Variants in CACNB4 observed in about 807,000 individuals in gnomAD.
CACNB4 encodes the protein voltage-dependent L-type calcium channel subunit beta-4.
A neutral mutation model predicts 71.2 loss-of-function variants in CACNB4; 32 were observed. The observed-to-expected ratio is 0.45, with a 90% CI of 0.34 to 0.60. The LOEUF is 0.60. Ranked by LOEUF, CACNB4 falls within the 20% of genes least tolerant of loss-of-function variation. The pLI, the probability that CACNB4 is intolerant of heterozygous loss-of-function variation, is 0.01. For missense variants in CACNB4, 464 were observed against 647.9 expected, an observed-to-expected ratio of 0.72 and a Z score of 3.08; for synonymous variants, 231 against 236.9, an observed-to-expected ratio of 0.97 and a Z score of 0.23.
intron 2 of CACNB4, among the ~76,000 whole-genome samples, chr2:152,077,025 G>A (rs775367397): frequency 7.7e-4 from 117 of 152,334 alleles, no homozygotes; most frequent in Admixed American, 3.5e-3. Flanking sequence ...GTTTGGGTTG[G>A]GGAATGAAAG....
At chr2:151,890,098 G>A (rs909969833) in intron 2 of CACNB4, among the ~76,000 whole-genome samples, 2 of 152,052 alleles carry the variant, frequency 1.3e-5, no homozygotes, top group Non-Finnish European at 2.9e-5. Flanking sequence ...TACATTCCCA[G>A]CACGTTGGTG....
Position 151,872,421 on chromosome 2 carries a change from T to C in CACNB4, c.594A>G (p.Ser198=), listed in dbSNP as rs764281094. ...VSGTFRATPT[S]TAKQKQKVTE... is the part of the protein sequence containing the mutation. ...GAGTTTAACTACAACCCTCACCTGT[T>C]GATGTGGGAGTTGCTCGGAATGTCC... The change falls in exon 6 of 14, where the codon TCA becomes TCG. Residue 198 remains serine (S), a synonymous_variant. Transcript: ENST00000539935. 1.9e-6 allele frequency: 3 copies of C among 1,565,176 alleles called. No individual in the cohort carries two copies. The highest frequency in any genetic ancestry group is 2.6e-6 in the Non-Finnish European group (3 of 1,139,162).
At chr2:152,056,035 T>C (rs1020455310) in intron 2 of CACNB4, among the ~76,000 whole-genome samples, 3 of 152,168 alleles carry the variant, frequency 2.0e-5, no homozygotes, top group Non-Finnish European at 4.4e-5. Context: ...GTTATACCAA[T>C]TGGTTCATCA....
chr2:151,964,079 A>AT (rs1404116105), intron 2 of CACNB4, among the ~76,000 whole-genome samples: 2 of 145,708 alleles, frequency 1.4e-5, no homozygotes, highest in African/African-American at 4.9e-5. Flanking sequence ...GAAAAAAAAA[A>AT]AAAAAAAAAA....
chr2:152,041,011 C>T lies in CACNB4; in HGVS notation c.147+57319G>A, dbSNP rs1013057991. Among the ~76,000 whole-genome samples, 8 of 152,192 alleles carry T rather than the reference C, an allele frequency of 5.3e-5. No individual in the cohort carries two copies. In the East Asian group the frequency reaches 9.6e-4, roughly 18 times the overall value. On this transcript the variant is annotated intron_variant, in intron 2 of 13. Transcript: ENST00000539935. Reference sequence around the variant, plus strand: ...CTCAAAGACCATGGCAAAACAGCCACGACTGCATCGCCTGACCTCAGCCTT... The same window carrying T: ...CTCAAAGACCATGGCAAAACAGCCATGACTGCATCGCCTGACCTCAGCCTT...
chr2:151,881,357 G>T (rs1210510609), intron 3 of CACNB4, among the ~76,000 whole-genome samples: 1 of 152,036 alleles, frequency 6.6e-6, no homozygotes, highest in Non-Finnish European at 1.5e-5. Flanking sequence ...AAATAGTCCA[G>T]ATCTGAAAAC....
intron 2 of CACNB4, among the ~76,000 whole-genome samples, chr2:152,019,581 G>A (rs1276627637): frequency 6.6e-6 from 1 of 152,146 alleles, no homozygotes; most frequent in African/African-American, 2.4e-5. Context: ...TGAACAGGTG[G>A]ATGACTGGAA....
At chr2:152,059,006 T>C (rs1685870226) in intron 2 of CACNB4, among the ~76,000 whole-genome samples, 1 of 152,202 alleles carries the variant, frequency 6.6e-6, no homozygotes, top group African/African-American at 2.4e-5. Context: ...AGCTTCCATG[T>C]GGTGTTTGTC....
chr2:152,022,567 C>T (rs1005152009), intron 2 of CACNB4, among the ~76,000 whole-genome samples: 19 of 152,164 alleles, frequency 1.2e-4, no homozygotes, highest in Non-Finnish European at 2.9e-5. Context: ...CAGCATGTCA[C>T]AGATCTCTAT....
At chr2:151,917,632 T>A (rs2099857855) in intron 2 of CACNB4, among the ~76,000 whole-genome samples, 1 of 151,420 alleles carries the variant, frequency 6.6e-6, no homozygotes, top group African/African-American at 2.4e-5. Flanking sequence ...AGGTCAGGAG[T>A]TCGAGACCAG....
At chr2:151,880,136 T>C (rs1393979882) in intron 4 of CACNB4, 2 of 152,232 alleles carry the variant, frequency 1.3e-5, no homozygotes, top group African/African-American at 4.8e-5. Flanking sequence ...GGTCCTCAGT[T>C]TCCTATTCCC....
intron 2 of CACNB4, among the ~76,000 whole-genome samples, chr2:152,089,961 T>C (rs962977848): frequency 1.4e-4 from 22 of 152,218 alleles, no homozygotes; most frequent in African/African-American, 5.1e-4. Flanking sequence ...CTGAGCAGAA[T>C]GGGACCTGCA....
intron 2 of CACNB4, among the ~76,000 whole-genome samples, chr2:152,046,879 C>T (rs1488222127): frequency 6.6e-6 from 1 of 152,180 alleles, no homozygotes; most frequent in Non-Finnish European, 1.5e-5. Context: ...GAAAAAGGGT[C>T]TCTGACTATC....
intron 2 of CACNB4, among the ~76,000 whole-genome samples, chr2:151,986,525 A>C: frequency 6.6e-6 from 1 of 152,176 alleles, no homozygotes; most frequent in South Asian, 2.1e-4. Context: ...TCCACTCCAC[A>C]TTATTAAGCA....
chr2:152,037,346 C>T (rs1684649682), intron 2 of CACNB4, among the ~76,000 whole-genome samples: 1 of 152,182 alleles, frequency 6.6e-6, no homozygotes, highest in South Asian at 2.1e-4. Flanking sequence ...ATCTATATCC[C>T]GTCAATTTAC....
intron 3 of CACNB4, 34 bp downstream of exon 3, chr2:151,883,217 C>G: frequency 6.2e-7 from 1 of 1,612,566 alleles, no homozygotes; most frequent in South Asian, 1.1e-5. Flanking sequence ...AGCAACGACC[C>G]ACTTTTGAGC....
At chr2:151,845,747 T>C (rs1160469803) in intron 12 of CACNB4, among the ~76,000 whole-genome samples, 1 of 152,180 alleles carries the variant, frequency 6.6e-6, no homozygotes, top group Non-Finnish European at 1.5e-5. Flanking sequence ...TTTCAAAGCA[T>C]GGCCACAGGG....
chr2:152,026,594 G>A (rs1400061498), intron 2 of CACNB4, among the ~76,000 whole-genome samples: 6 of 151,948 alleles, frequency 3.9e-5, no homozygotes, highest in Admixed American at 6.6e-5. Context: ...CATGTTGGCC[G>A]GGCTCGAACT....
intron 2 of CACNB4, among the ~76,000 whole-genome samples, chr2:152,000,965 C>A (rs1285223454): frequency 6.6e-6 from 1 of 152,216 alleles, no homozygotes; most frequent in Non-Finnish European, 1.5e-5. Flanking sequence ...CAGATTCTTC[C>A]TGAAGCATAA....
Sources: gnomAD v4.1 joint callset for allele counts (sites outside exome capture counted in the v4.1 genomes callset) on GRCh38, gnomAD v4.1.1 for gene constraint, MANE v1.5 for transcripts, NCBI Gene and HGNC (gene_info 2026-07-23, HGNC 2026-07-21) for gene names.